CHRM3: variants seen among roughly 807,000 people sequenced by gnomAD.
CHRM3 encodes the protein cholinergic receptor muscarinic 3.
Under a neutral mutation model 41.8 loss-of-function variants are expected in CHRM3, and 11 were observed. The observed-to-expected ratio is 0.26, with a 90% CI of 0.17 to 0.44. CHRM3 has a LOEUF of 0.44. CHRM3 is among the 20% of genes least tolerant of loss of function. The pLI is 1.00. For synonymous variants in CHRM3, 297 were observed against 301.4 expected, an observed-to-expected ratio of 0.99 and a Z score of 0.15; for missense variants, 571 against 745.4, an observed-to-expected ratio of 0.77 and a Z score of 2.72.
intron 5 of CHRM3, among the ~76,000 whole-genome samples, chr1:239,734,356 A>C (rs778224645): frequency 6.6e-6 from 1 of 152,136 alleles, no homozygotes; most frequent in Non-Finnish European, 1.5e-5. Context: ...ACTAGTGACC[A>C]GTGGCACATT....
chr1:239,598,048 C>T (rs188218634), intron 3 of CHRM3, among the ~76,000 whole-genome samples: 14 of 152,122 alleles, frequency 9.2e-5, no homozygotes, highest in African/African-American at 3.1e-4. Flanking sequence ...TTAAACATGG[C>T]ACATAGAAAA....
intron 6 of CHRM3, among the ~76,000 whole-genome samples, chr1:239,852,605 T>G (rs561633197): frequency 1.5e-4 from 23 of 152,312 alleles, no homozygotes; most frequent in African/African-American, 5.3e-4. Context: ...ATAATGCTAA[T>G]AAATTCTTCA....
intron 6 of CHRM3, among the ~76,000 whole-genome samples, chr1:239,902,845 T>G (rs986072444): frequency 2.0e-5 from 3 of 152,232 alleles, no homozygotes; most frequent in Non-Finnish European, 2.9e-5. Context: ...GTCATTTCCC[T>G]CTAATGGTTC....
chr1:239,763,643 GC>G (rs1666978032), intron 5 of CHRM3, among the ~76,000 whole-genome samples: 1 of 152,018 alleles, frequency 6.6e-6, no homozygotes, highest in Non-Finnish European at 1.5e-5. Flanking sequence ...CTGGAGATCT[GC>G]CCCCACCCCC....
chr1:239,613,563 G>C (rs1667297398), intron 3 of CHRM3, among the ~76,000 whole-genome samples: 1 of 152,194 alleles, frequency 6.6e-6, no homozygotes, highest in South Asian at 2.1e-4. Context: ...AAGCCTAAAT[G>C]TCAGATGATG....
intron 6 of CHRM3, among the ~76,000 whole-genome samples, chr1:239,872,977 C>T (rs1164863008): frequency 6.6e-6 from 1 of 151,956 alleles, no homozygotes; most frequent in African/African-American, 2.4e-5. Flanking sequence ...GAATCCAGGA[C>T]CAGAAGAAGT....
chr1:239,602,115 T>TATAC (rs970378175), intron 3 of CHRM3, among the ~76,000 whole-genome samples: 17 of 139,814 alleles, frequency 1.2e-4, no homozygotes, highest in Admixed American at 4.2e-4. Flanking sequence ...TGTGTGTATA[T>TATAC]ATATATATAT....
chr1:239,399,334 A>ATT (rs71567244), intron 1 of CHRM3, among the ~76,000 whole-genome samples: 174 of 135,204 alleles, frequency 1.3e-3, no homozygotes, highest in African/African-American at 4.1e-3. Context: ...ATGACCTCTG[A>ATT]TTTTTTTTTT....
At chr1:239,847,861 G>T (rs1321991013) in intron 6 of CHRM3, among the ~76,000 whole-genome samples, 1 of 151,780 alleles carries the variant, frequency 6.6e-6, no homozygotes, top group Non-Finnish European at 1.5e-5. Context: ...GCTGCAGTGA[G>T]CTGTGATCTC....
At chr1:239,578,813 A>G (rs1002092811) in intron 3 of CHRM3, among the ~76,000 whole-genome samples, 3 of 152,220 alleles carry the variant, frequency 2.0e-5, no homozygotes, top group African/African-American at 7.2e-5. Flanking sequence ...CAGGTCTCCC[A>G]CTCAGGATGC....
At chr1:239,787,383 A>T (rs1167463732) in intron 5 of CHRM3, among the ~76,000 whole-genome samples, 1 of 81,864 alleles carries the variant, frequency 1.2e-5, no homozygotes, top group East Asian at 4.9e-4. Context: ...CAGAGGATGA[A>T]GCCTTGGCAG....
At chr1:239,736,471 C>A (rs75774126) in intron 5 of CHRM3, among the ~76,000 whole-genome samples, 180 of 152,098 alleles carry the variant, frequency 1.2e-3, no homozygotes, top group African/African-American at 4.2e-3. Flanking sequence ...TACTTTAATA[C>A]TTCCTTAAAA....
intron 1 of CHRM3, among the ~76,000 whole-genome samples, chr1:239,440,266 A>G (rs1663611721): frequency 6.6e-6 from 1 of 151,752 alleles, no homozygotes; most frequent in Non-Finnish European, 1.5e-5. Context: ...AAATTTACAT[A>G]TAAGCCAAAC....
At chr1:239,839,553 A>G (rs1218015972) in intron 6 of CHRM3, among the ~76,000 whole-genome samples, 1 of 152,226 alleles carries the variant, frequency 6.6e-6, no homozygotes, top group Non-Finnish European at 1.5e-5. Context: ...ATGTTTTGGC[A>G]GAAAAGAGTG....
chr1:239,389,442 G>C, intron 1 of CHRM3, among the ~76,000 whole-genome samples: 1 of 152,144 alleles, frequency 6.6e-6, no homozygotes, highest in East Asian at 1.9e-4. Context: ...GTTCTTTAGA[G>C]TGTACCTTCT....
chr1:239,591,395 G>A (rs1664133972), intron 3 of CHRM3, among the ~76,000 whole-genome samples: 2 of 152,118 alleles, frequency 1.3e-5, no homozygotes, highest in South Asian at 2.1e-4. Flanking sequence ...GAGACAGGAT[G>A]TACATACTTC....
chr1:239,404,767 G>T lies in CHRM3; in HGVS notation c.-521+17540G>T, dbSNP rs1446853086. On this transcript the variant is annotated intron_variant, in intron 1 of 6. Transcript: ENST00000676153. ...ATATATATATATATATGGAAAATAT[G>T]GTTAACAATGTTCACAGGGTACTAT... 3.3e-5 allele frequency among the ~76,000 whole-genome samples: 4 copies of T among 122,078 alleles called. No individual in the cohort carries two copies. In the East Asian group the frequency reaches 1.0e-3, roughly 32 times the overall value. The allele number at this position is 122,078 out of a possible 152,430, so 80.1% of individuals were successfully genotyped here. A position where few individuals can be genotyped will look rare whatever the true frequency, so the allele number is the denominator to read the frequency against.
intron 6 of CHRM3, among the ~76,000 whole-genome samples, chr1:239,829,423 A>T (rs1449935414): frequency 1.3e-5 from 2 of 151,890 alleles, no homozygotes; most frequent in Non-Finnish European, 2.9e-5. Context: ...TTTGAAAAAG[A>T]AAAGAAATTT....
rs986484588 is a variant in CHRM3, at chr1:239,479,504, G to C, written c.-520-13205G>C. 2.0e-5 allele frequency among the ~76,000 whole-genome samples: 3 copies of C among 152,122 alleles called. No individual in the cohort carries two copies. In the South Asian group the frequency reaches 6.2e-4, roughly 31 times the overall value. ...TGCTGAGAAATAATACATGGGAAAA[G>C]TATTTTTCTCAACAGTGGCGATAAG... On this transcript the variant is annotated intron_variant, in intron 1 of 6. Coordinates refer to ENST00000676153, the MANE Select transcript of CHRM3 (RefSeq NM_001375978.1).
Sources: allele counts gnomAD v4.1 joint callset (sites outside exome capture counted in the v4.1 genomes callset), GRCh38; gene constraint gnomAD v4.1.1; transcripts MANE v1.5; gene names NCBI Gene and HGNC (gene_info 2026-07-23, HGNC 2026-07-21).